The following ASTN2 variants were observed in gnomAD, a reference collection of about 807,000 sequenced individuals.
ASTN2 encodes astrotactin 2.
A neutral mutation model predicts 139.8 loss-of-function variants in ASTN2; 54 were observed. That is an observed-to-expected ratio of 0.39 (90% confidence interval 0.31 to 0.48). The LOEUF is 0.48. Ranked by LOEUF, ASTN2 falls within the 20% of genes least tolerant of loss-of-function variation. The pLI, the probability that ASTN2 is intolerant of heterozygous loss-of-function variation, is 0.95. For missense variants in ASTN2, 1,565 were observed against 1,725.1 expected (o/e 0.91, Z 1.64); for synonymous variants, 756 against 719.5 (o/e 1.05, Z -0.81).
At chr9:116,977,058 G>A (rs940477525) in intron 7 of ASTN2, among the ~76,000 whole-genome samples, 11 of 152,158 alleles carry the variant, frequency 7.2e-5, no homozygotes, top group African/African-American at 2.2e-4. Flanking sequence ...CAACCCAGCC[G>A]CTAAAGGAGC....
intron 4 of ASTN2, among the ~76,000 whole-genome samples, chr9:117,120,016 G>GTATATATATATATA (rs1385401943): frequency 5.9e-5 from 2 of 33,840 alleles, no homozygotes; most frequent in Admixed American, 3.3e-4. Context: ...GTGTGTGTGT[G>GTATATATATATATA]TGTATATATA....
At chr9:116,641,603 CT>C (rs1857332211) in intron 17 of ASTN2, among the ~76,000 whole-genome samples, 2 of 152,078 alleles carry the variant, frequency 1.3e-5, no homozygotes, top group Admixed American at 1.3e-4. Flanking sequence ...CTGCCATTCT[CT>C]TTTTTTATTG....
At chr9:116,503,076 G>T in intron 19 of ASTN2, among the ~76,000 whole-genome samples, 1 of 148,144 alleles carries the variant, frequency 6.8e-6, no homozygotes, top group Non-Finnish European at 1.5e-5. Flanking sequence ...GAAGGAAGGA[G>T]GGAGGAAGGG....
intron 22 of ASTN2, among the ~76,000 whole-genome samples, chr9:116,434,461 T>C (rs1847588608): frequency 6.6e-6 from 1 of 152,196 alleles, no homozygotes; most frequent in Non-Finnish European, 1.5e-5. Context: ...GTGTAACTCT[T>C]TTCAAATCCC....
intron 2 of ASTN2, among the ~76,000 whole-genome samples, chr9:117,264,192 T>G (rs2133113451): frequency 6.6e-6 from 1 of 152,322 alleles, no homozygotes. Context: ...TAGGTGATAC[T>G]GAGTTATTTC....
At chr9:117,192,114 T>C (rs1430499558) in intron 3 of ASTN2, among the ~76,000 whole-genome samples, 1 of 151,878 alleles carries the variant, frequency 6.6e-6, no homozygotes, top group Non-Finnish European at 1.5e-5. Context: ...TTAGAGAGTG[T>C]GTAGAGACAG....
chr9:117,222,853 G>T (rs948799664), intron 2 of ASTN2, among the ~76,000 whole-genome samples: 3 of 151,664 alleles, frequency 2.0e-5, no homozygotes, highest in Non-Finnish European at 4.4e-5. Flanking sequence ...TGCCCTACAG[G>T]TTAGATTATT....
At chr9:117,151,721 G>C (rs563777783) in intron 3 of ASTN2, among the ~76,000 whole-genome samples, 2 of 152,076 alleles carry the variant, frequency 1.3e-5, no homozygotes, top group Admixed American at 1.3e-4. Context: ...AAGGGGCAAG[G>C]GTTATACAGA....
intron 5 of ASTN2, among the ~76,000 whole-genome samples, chr9:117,060,202 C>G (rs1452895022): frequency 6.6e-6 from 1 of 150,782 alleles, no homozygotes; most frequent in Non-Finnish European, 1.5e-5. Flanking sequence ...TTCCAGCTAC[C>G]TGGGAGGCTG....
At position 117,174,446 on chromosome 9, in the gene ASTN2, A is replaced by C. The variant is rs1182806239; in HGVS notation, c.1016-32968T>G. Among the ~76,000 whole-genome samples the C allele has an allele frequency of 2.0e-5, 3 of 151,998 alleles. No homozygotes were observed. The East Asian group carries it at 5.8e-4, about 29-fold the overall frequency. ...ACCATCTAACAAATAGACAAACATC[A>C]AACAAATAGACTTAAGCATAAATTC... On this transcript the variant is annotated intron_variant, in intron 3 of 22. Coordinates refer to ENST00000313400, the MANE Select transcript of ASTN2 (RefSeq NM_001365068.1).
chr9:117,186,550 A>AAAAT (rs951734577), intron 3 of ASTN2, among the ~76,000 whole-genome samples: 1 of 152,076 alleles, frequency 6.6e-6, no homozygotes, highest in Non-Finnish European at 1.5e-5. Flanking sequence ...CTGTCTCAAA[A>AAAAT]AAATAAATAA....
intron 13 of ASTN2, among the ~76,000 whole-genome samples, chr9:116,794,210 GCCT>G (rs1830630678): frequency 6.8e-6 from 1 of 147,662 alleles, no homozygotes; most frequent in South Asian, 2.1e-4. Flanking sequence ...TGATTCTCCT[GCCT>G]CAGCCTTCCC....
At chr9:117,263,922 A>G (rs962325662) in intron 2 of ASTN2, among the ~76,000 whole-genome samples, 5 of 152,190 alleles carry the variant, frequency 3.3e-5, no homozygotes, top group South Asian at 2.1e-4. Context: ...ATCCCAGCAC[A>G]TTGGGAGGCT....
chr9:116,996,899 T>A (rs1316162940), intron 7 of ASTN2, among the ~76,000 whole-genome samples: 1 of 152,172 alleles, frequency 6.6e-6, no homozygotes, highest in Admixed American at 6.5e-5. Flanking sequence ...ATATATTTTT[T>A]AACACATTTT....
At chr9:116,759,259 C>A (rs1829613944) in intron 13 of ASTN2, among the ~76,000 whole-genome samples, 1 of 152,142 alleles carries the variant, frequency 6.6e-6, no homozygotes, top group Admixed American at 6.5e-5. Flanking sequence ...ATGACTGAAG[C>A]ATTCAGAAGA....
chr9:117,117,947 G>A (rs565273385), intron 4 of ASTN2, among the ~76,000 whole-genome samples: 1 of 152,116 alleles, frequency 6.6e-6, no homozygotes, highest in Non-Finnish European at 1.5e-5. Context: ...GAATGTAGGG[G>A]AAACCCCTTT....
chr9:117,354,090 T>G (rs767833837), intron 1 of ASTN2, among the ~76,000 whole-genome samples: 23 of 152,168 alleles, frequency 1.5e-4, no homozygotes, highest in Non-Finnish European at 2.5e-4. Flanking sequence ...ACAAAAGTAC[T>G]ACTCTGGTGG....
chr9:116,444,538 C>G (rs1055472012), intron 20 of ASTN2, among the ~76,000 whole-genome samples: 3 of 152,156 alleles, frequency 2.0e-5, no homozygotes, highest in Non-Finnish European at 4.4e-5. Context: ...TGCTCCCACT[C>G]GCAGGCTCAG....
intron 16 of ASTN2, among the ~76,000 whole-genome samples, chr9:116,678,853 T>C (rs1859664372): frequency 1.3e-5 from 2 of 152,338 alleles, no homozygotes; most frequent in Admixed American, 6.5e-5. Context: ...TCTTACCTTA[T>C]GACCAAACTA....
Sources: gnomAD v4.1 joint callset for allele counts (sites outside exome capture counted in the v4.1 genomes callset) on GRCh38, gnomAD v4.1.1 for gene constraint, MANE v1.5 for transcripts, NCBI Gene and HGNC (gene_info 2026-07-23, HGNC 2026-07-21) for gene names.